C2orf49: variants seen among roughly 807,000 people sequenced by gnomAD.
C2orf49 encodes the protein tRNA splicing ligase complex subunit 2.
A neutral mutation model predicts 20.6 loss-of-function variants in C2orf49; 11 were observed. That is an observed-to-expected ratio of 0.53 (90% CI 0.34 to 0.88). The LOEUF (loss-of-function observed/expected upper bound fraction) is 0.88. Among genes scored for constraint, C2orf49 ranks in the 40% least tolerant of loss-of-function variants. C2orf49 has a pLI of 0.02. For missense variants in C2orf49, 289 were observed against 274.2 expected, an observed-to-expected ratio of 1.05 and a Z score of -0.38; for synonymous variants, 134 against 108.5, an observed-to-expected ratio of 1.24 and a Z score of -1.46.
the C2orf49 span, among the ~76,000 whole-genome samples, chr2:105,364,863 C>T: frequency 7.9e-5 from 12 of 152,130 alleles, no homozygotes; most frequent in East Asian, 7.7e-4. Flanking sequence ...TGGTTAATGA[C>T]GAAGCAGGAA....
chr2:105,372,974 C>T, the C2orf49 span, among the ~76,000 whole-genome samples: 1 of 152,156 alleles, frequency 6.6e-6, no homozygotes, highest in Non-Finnish European at 1.5e-5. Flanking sequence ...CATACACACA[C>T]AAAAAAACCA....
chr2:105,354,324 A>C, the C2orf49 span, among the ~76,000 whole-genome samples: 1 of 152,326 alleles, frequency 6.6e-6, no homozygotes, highest in South Asian at 2.1e-4. Flanking sequence ...TTCAGTGACT[A>C]AATTTTCATT....
At position 105,348,238 on chromosome 2, in the gene C2orf49, A is replaced by G. The variant is rs1279061848; in HGVS notation, c.*2867A>G. 1 of 152,160 alleles carries G rather than the reference A, an allele frequency of 6.6e-6. No individual in the cohort carries two copies. The highest frequency in any genetic ancestry group is 1.5e-5 in the Non-Finnish European group (1 of 68,030). 9.4% of individuals were successfully genotyped at this position (152,160 alleles called of 1,614,324 possible). A position where few individuals can be genotyped will look rare whatever the true frequency, so the allele number is the denominator to read the frequency against. ...TTCTGGAAAGTCTCAGGTCCCTACC[A>G]GGGCACTGAATGGCTTCTCAATGGC... On this transcript the variant is annotated 3_prime_UTR_variant, in exon 4 of 4. Coordinates refer to ENST00000258457, the MANE Select transcript of C2orf49 (RefSeq NM_024093.3).
At chr2:105,363,273 C>T in the C2orf49 span, 18 of 1,612,482 alleles carry the variant, frequency 1.1e-5, no homozygotes, top group East Asian at 2.5e-4. Context: ...ATGGGAACCC[C>T]GGGACACTCA....
the C2orf49 span, among the ~76,000 whole-genome samples, chr2:105,355,176 C>T: frequency 6.6e-6 from 1 of 151,756 alleles, no homozygotes; most frequent in Admixed American, 6.6e-5. Flanking sequence ...CTTTCCTTTT[C>T]ATGCATGGAG....
In C2orf49 at chr2:105,346,893, T is replaced by G. The variant is rs1679827042; in HGVS notation, c.*1522T>G. On this transcript the variant is annotated 3_prime_UTR_variant, in exon 4 of 4. Transcript: ENST00000258457. ...TATATTCATGAGTTCTAGTTTCTAC[T>G]GTTCTGCTATGTGTTTCTAAGCAAG... is the stretch of plus-strand genomic sequence containing the variant. 1 of 152,262 alleles carries G rather than the reference T, an allele frequency of 6.6e-6. No individual in the cohort carries two copies. The highest frequency in any genetic ancestry group is 1.5e-5 in the Non-Finnish European group (1 of 68,042). 9.4% of individuals were successfully genotyped at this position (152,262 alleles called of 1,614,324 possible).
At chr2:105,362,633 C>G in the C2orf49 span, among the ~76,000 whole-genome samples, 1 of 152,184 alleles carries the variant, frequency 6.6e-6, no homozygotes, top group African/African-American at 2.4e-5. Context: ...TTTTCTCTCC[C>G]CACCCAGTCA....
chr2:105,362,410 GC>G, the C2orf49 span, among the ~76,000 whole-genome samples: 1 of 152,186 alleles, frequency 6.6e-6, no homozygotes, highest in African/African-American at 2.4e-5. Flanking sequence ...TTGGTTCTAG[GC>G]CTAAGGGAAA....
downstream of C2orf49, among the ~76,000 whole-genome samples, chr2:105,351,829 C>T (rs1679943534): frequency 6.6e-6 from 1 of 152,174 alleles, no homozygotes; most frequent in African/African-American, 2.4e-5. Flanking sequence ...TTTTAGGCCT[C>T]CTCAACTGAC....
the C2orf49 span, among the ~76,000 whole-genome samples, chr2:105,371,272 G>A: frequency 2.0e-5 from 3 of 152,084 alleles, no homozygotes; most frequent in East Asian, 3.9e-4. Context: ...AGCAAGCTTC[G>A]AGTGCAGCAC....
At chr2:105,373,497 A>G in the C2orf49 span, 1 of 1,578,274 alleles carries the variant, frequency 6.3e-7, no homozygotes, top group African/African-American at 1.3e-5. Context: ...AGGGGGTCAG[A>G]GGAACGTGCA....
At chr2:105,382,829 C>CAAAAA in the C2orf49 span, among the ~76,000 whole-genome samples, 2 of 152,196 alleles carry the variant, frequency 1.3e-5, no homozygotes, top group Non-Finnish European at 2.9e-5. Context: ...TTAAAATCAC[C>CAAAAA]AATTTGTTAA....
At chr2:105,370,217 A>ACCCC in the C2orf49 span, among the ~76,000 whole-genome samples, 1 of 151,040 alleles carries the variant, frequency 6.6e-6, no homozygotes, top group Non-Finnish European at 1.5e-5. Flanking sequence ...TACCCCCCCA[A>ACCCC]AAAAAAAATT....
downstream of C2orf49, among the ~76,000 whole-genome samples, chr2:105,353,713 G>A (rs183245729): frequency 3.3e-5 from 5 of 152,106 alleles, no homozygotes; most frequent in East Asian, 9.7e-4. Context: ...TTACTTCTTG[G>A]TATTTCTAGA....
chr2:105,349,742 AG>A (rs767352320), downstream of C2orf49, among the ~76,000 whole-genome samples: 14 of 152,232 alleles, frequency 9.2e-5, no homozygotes, highest in Non-Finnish European at 1.5e-4. Flanking sequence ...GGATGAAGAA[AG>A]TAGGATGAGA....
chr2:105,338,374 T>A (rs543571943), intron 1 of C2orf49, among the ~76,000 whole-genome samples: 46 of 152,206 alleles, frequency 3.0e-4, no homozygotes, highest in Non-Finnish European at 6.0e-4. Flanking sequence ...GAATTTCAGG[T>A]CCTCTTGCCA....
chr2:105,384,865 C>G, the C2orf49 span, among the ~76,000 whole-genome samples: 1 of 152,138 alleles, frequency 6.6e-6, no homozygotes, highest in Admixed American at 6.6e-5. Flanking sequence ...AGTAACTGAC[C>G]CAAGGCCACA....
the C2orf49 span, chr2:105,373,709 A>T: frequency 1.9e-6 from 3 of 1,614,012 alleles, no homozygotes; most frequent in Non-Finnish European, 2.5e-6. Flanking sequence ...GCTTCATGCC[A>T]GTGCCGGTCC....
chr2:105,380,230 G>A, the C2orf49 span, among the ~76,000 whole-genome samples: 1 of 152,150 alleles, frequency 6.6e-6, no homozygotes, highest in Non-Finnish European at 1.5e-5. Flanking sequence ...GAGCTTAGAG[G>A]TAGACTAGAA....
Sources: gnomAD v4.1 joint callset for allele counts (sites outside exome capture counted in the v4.1 genomes callset) on GRCh38, gnomAD v4.1.1 for gene constraint, MANE v1.5 for transcripts, NCBI Gene and HGNC (gene_info 2026-07-23, HGNC 2026-07-21) for gene names.